The following ADAMTS17 variants were observed in gnomAD, a reference collection of about 807,000 sequenced individuals.
The protein encoded by ADAMTS17 is A disintegrin and metalloproteinase with thrombospondin motifs 17.
In ADAMTS17, 113 loss-of-function variants were observed where a neutral mutation model predicts 141.5. That is an observed-to-expected ratio of 0.80 (90% CI 0.69 to 0.93). The LOEUF is 0.93. Among genes scored for constraint, ADAMTS17 ranks in the 40% least tolerant of loss-of-function variants. The pLI, the probability that ADAMTS17 is intolerant of heterozygous loss-of-function variation, is 0.00. For synonymous variants in ADAMTS17, 768 were observed against 630.6 expected, an observed-to-expected ratio of 1.22 and a Z score of -3.27; for missense variants, 1,659 against 1,517.9, an observed-to-expected ratio of 1.09 and a Z score of -1.54.
At chr15:100,159,233 T>C (rs4486866) in intron 8 of ADAMTS17, among the ~76,000 whole-genome samples, 6,346 of 152,334 alleles carry the variant, frequency 0.042, 154 homozygotes, top group South Asian at 0.067. Context: ...CAGCCACTGA[T>C]AGATGGATCA....
intron 3 of ADAMTS17, among the ~76,000 whole-genome samples, chr15:100,320,822 G>C (rs2045710955): frequency 6.6e-6 from 1 of 152,074 alleles, no homozygotes; most frequent in Admixed American, 6.6e-5. Flanking sequence ...GACAGAGCAA[G>C]ACTCTGTCTC....
intron 15 of ADAMTS17, among the ~76,000 whole-genome samples, chr15:100,055,602 C>T (rs1305142194): frequency 6.6e-6 from 1 of 152,120 alleles, no homozygotes; most frequent in East Asian, 1.9e-4. Context: ...TATAGGACTC[C>T]AGGGACAGCT....
chr15:100,201,467 A>G (rs556099605), intron 7 of ADAMTS17, among the ~76,000 whole-genome samples: 1 of 152,190 alleles, frequency 6.6e-6, no homozygotes, highest in South Asian at 2.1e-4. Context: ...TTTATAAACT[A>G]CCCAGTCTCA....
At chr15:100,079,614 T>C (rs1179624650) in intron 15 of ADAMTS17, among the ~76,000 whole-genome samples, 1 of 152,172 alleles carries the variant, frequency 6.6e-6, no homozygotes, top group African/African-American at 2.4e-5. Context: ...GCACCATTCC[T>C]TGGGGTGATC....
At chr15:99,977,909 G>A (rs1384166016) in intron 20 of ADAMTS17, among the ~76,000 whole-genome samples, 1 of 152,118 alleles carries the variant, frequency 6.6e-6, no homozygotes, top group Non-Finnish European at 1.5e-5. Context: ...GTCCACCAGA[G>A]CCCACACAAC....
intron 8 of ADAMTS17, among the ~76,000 whole-genome samples, chr15:100,194,911 T>C (rs1438109317): frequency 6.6e-6 from 1 of 152,152 alleles, no homozygotes; most frequent in Non-Finnish European, 1.5e-5. Context: ...GGGCTGCTGC[T>C]TTCTAACGGC....
intron 7 of ADAMTS17, among the ~76,000 whole-genome samples, chr15:100,223,823 A>ATG (rs1364756699): frequency 4.0e-5 from 6 of 151,756 alleles, no homozygotes; most frequent in African/African-American, 1.2e-4. Flanking sequence ...GTGTGTATAT[A>ATG]TGTGTGTATA....
intron 14 of ADAMTS17, 105 bp from the exon 15 acceptor site, chr15:100,096,581 G>A: frequency 6.7e-7 from 1 of 1,483,540 alleles, no homozygotes; most frequent in Non-Finnish European, 9.3e-7. Context: ...CATACATGGG[G>A]CCTGGGGCCC....
intron 7 of ADAMTS17, among the ~76,000 whole-genome samples, chr15:100,222,854 AG>A: frequency 6.6e-6 from 1 of 152,142 alleles, no homozygotes. Flanking sequence ...CGGACCAGGC[AG>A]GAAGCCTAAG....
intron 3 of ADAMTS17, among the ~76,000 whole-genome samples, chr15:100,327,379 T>C (rs909289814): frequency 2.6e-5 from 4 of 152,176 alleles, no homozygotes; most frequent in Admixed American, 2.6e-4. Context: ...ACTTAACCTA[T>C]AAAGTAGACA....
chr15:100,330,922 G>C lies in ADAMTS17; in HGVS notation c.583C>G (p.Gln195Glu), dbSNP rs1032710517. ...SLTPSPSAEA[Q>E]RPEQLCKVLT... The stretch of plus-strand genomic sequence containing the variant: ...ACCTTGCAGAGCTGCTCAGGTCTCT[G>C]GGCCTCAGCAGAAGGGCTGGGGGTC... Residue 195 changes from glutamine to glutamate, a missense_variant, in exon 3 of 22, where the codon CAG (glutamine) becomes GAG (glutamate). Coordinates refer to ENST00000268070, the MANE Select transcript of ADAMTS17 (RefSeq NM_139057.4). 6 of 1,613,994 alleles carry C rather than the reference G, an allele frequency of 3.7e-6. No homozygotes were observed. In the African/African-American group the frequency reaches 6.7e-5, roughly 18 times the overall value.
intron 2 of ADAMTS17, among the ~76,000 whole-genome samples, chr15:100,332,527 C>T (rs1173988667): frequency 6.6e-6 from 1 of 152,196 alleles, no homozygotes; most frequent in Non-Finnish European, 1.5e-5. Flanking sequence ...GTCAAAGCCC[C>T]CCCAGGATCT....
At chr15:99,987,633 C>G (rs2573598) in intron 20 of ADAMTS17, among the ~76,000 whole-genome samples, 9,439 of 152,236 alleles carry the variant, frequency 0.062, 883 homozygotes, top group African/African-American at 0.2. Context: ...CAGTCCGAAT[C>G]AGACAAAAAC....
intron 8 of ADAMTS17, among the ~76,000 whole-genome samples, chr15:100,172,617 A>C (rs1040644394): frequency 2.0e-5 from 3 of 152,018 alleles, no homozygotes; most frequent in African/African-American, 7.2e-5. Flanking sequence ...CCTTCCCACC[A>C]AACTATTCAC....
chr15:100,011,979 T>A lies in ADAMTS17; in HGVS notation c.2592-14390A>T, dbSNP rs916737761. 2.6e-5 allele frequency among the ~76,000 whole-genome samples: 4 copies of A among 152,236 alleles called. No individual in the cohort carries two copies. The East Asian group carries it at 7.7e-4, about 29-fold the overall frequency. On this transcript the variant is annotated intron_variant, in intron 18 of 21. Coordinates refer to ENST00000268070, the MANE Select transcript of ADAMTS17 (RefSeq NM_139057.4). ...TAAGGAACCTATACACTGTTTTCCA[T>A]AGTGGCTGTACTAGTTTACAGTCCC...
intron 20 of ADAMTS17, chr15:99,976,567 A>G (rs1310492605): frequency 1.6e-5 from 7 of 450,506 alleles, no homozygotes; most frequent in Non-Finnish European, 2.9e-5. Context: ...TGTCTCTGCA[A>G]AATGCAGATG....
intron 10 of ADAMTS17, among the ~76,000 whole-genome samples, chr15:100,134,292 AC>A (rs1408839727): frequency 6.6e-6 from 1 of 152,034 alleles, no homozygotes; most frequent in Admixed American, 6.6e-5. Flanking sequence ...TCTCTCCCTC[AC>A]CCCCTCACAG....
In ADAMTS17 at chr15:100,087,852, G is replaced by A. The variant is rs2035208065; in HGVS notation, c.2137+8504C>T. Among the ~76,000 whole-genome samples, 4 of 152,246 alleles carry A rather than the reference G, an allele frequency of 2.6e-5. 1 individual carries two copies. The highest frequency in any genetic ancestry group is 4.1e-4 in the South Asian group (2 of 4,820). The stretch of plus-strand genomic sequence containing the variant: ...TGGGACGTATCTCAAAATAATAAGA[G>A]CTATCTATGACAAACCCACAGCCAA... On this transcript the variant is annotated intron_variant, in intron 15 of 21. Transcript: ENST00000268070.
intron 8 of ADAMTS17, among the ~76,000 whole-genome samples, chr15:100,155,669 A>G (rs1965167599): frequency 6.6e-6 from 1 of 152,220 alleles, no homozygotes; most frequent in Non-Finnish European, 1.5e-5. Flanking sequence ...TAAATATTCC[A>G]ATGTTCATGG....
Sources: allele counts gnomAD v4.1 joint callset (sites outside exome capture counted in the v4.1 genomes callset), GRCh38; gene constraint gnomAD v4.1.1; transcripts MANE v1.5; gene names NCBI Gene and HGNC (gene_info 2026-07-23, HGNC 2026-07-21).